Variants in NEB observed in about 807,000 individuals in gnomAD.
NEB encodes the protein nebulin.
A neutral mutation model predicts 952.2 loss-of-function variants in NEB; 512 were observed. The ratio of observed to expected loss-of-function variants is 0.54; its 90% CI spans 0.50 to 0.58. NEB has a LOEUF of 0.58. Among genes scored for constraint, NEB ranks in the 20% least tolerant of loss-of-function variants. The probability of loss-of-function intolerance (pLI) is 0.00; values close to 1 mark genes in which losing one functional copy is unlikely to be tolerated. For synonymous variants in NEB, 2,900 were observed against 3,149.8 expected (o/e 0.92, Z 2.66); for missense variants, 8,428 against 9,231.1 (o/e 0.91, Z 3.56).
In NEB at chr2:151,493,417, G is replaced by A. The variant is rs1307725254; in HGVS notation, c.24701C>T (p.Ala8234Val). The stretch of plus-strand genomic sequence containing the variant: ...CTCTGGAGTAACAGGTGTCGGAGTT[G>A]CTTTTCTCATGTTCTCTTTGTACAA... ...SVLYKENMRK[A>V]TPTPVTPEME... is the part of the protein sequence containing the mutation. Residue 8234 changes from alanine to valine, a missense_variant, in exon 176 of 182, where the codon GCA becomes GTA. Transcript: ENST00000397345. 2 of 1,607,356 alleles carry A rather than the reference G, an allele frequency of 1.2e-6. No individual in the cohort carries two copies. Among genetic ancestry groups the A allele is most frequent in the Non-Finnish European group, 1.7e-6 (2 of 1,177,936 alleles).
In NEB at chr2:151,649,328, C is replaced by G. The variant is rs928619083; in HGVS notation, c.7431+848G>C. 1.4e-4 allele frequency among the ~76,000 whole-genome samples: 21 copies of G among 152,188 alleles called. 1 individual carries two copies. In the South Asian group the frequency reaches 4.4e-3, roughly 32 times the overall value. ...GAACTACAGTTTATCAATGCTCATT[C>G]TAAGCTGATTATGGGCTTATATATT... On this transcript the variant is annotated intron_variant, in intron 54 of 181. Transcript: ENST00000397345.
Position 151,631,144 on chromosome 2 carries a change from T to C in NEB, c.9617A>G (p.Lys3206Arg). ...AAGCTTAAGGCAGCTAGGACTCACC[T>C]TATTCATGTTGAGAGCATTGTTCTT... ...LAKNNALNMN[K>R]RLYTEAWDKD... The change falls in exon 66 of 182, where the codon AAG (lysine) becomes AGG (arginine). Residue 3206 changes from lysine to arginine, a missense_variant and splice_region_variant. Transcript: ENST00000397345. The C allele has an allele frequency of 6.2e-7, 1 of 1,613,904 alleles. No individual in the cohort carries two copies. The highest frequency in any genetic ancestry group is 1.1e-5 in the South Asian group (1 of 91,076).
In NEB at chr2:151,669,020, T is replaced by C. The variant is rs1328177214; in HGVS notation, c.4611+7A>G. The C allele has an allele frequency of 6.4e-7, 1 of 1,567,324 alleles. No homozygotes were observed. The highest frequency in any genetic ancestry group is 8.7e-7 in the Non-Finnish European group (1 of 1,148,694). On this transcript the variant is annotated splice_region_variant and intron_variant, in intron 39 of 181. Transcript: ENST00000397345. The stretch of plus-strand genomic sequence containing the variant: ...TACGCAATATTAGCACTGGGCCAAA[T>C]ACTCACATCACTCATGTTGAGGGCG...
intron 46 of NEB, among the ~76,000 whole-genome samples, chr2:151,660,392 A>G (rs1333352235): frequency 1.3e-5 from 2 of 152,212 alleles, no homozygotes; most frequent in Non-Finnish European, 2.9e-5. Flanking sequence ...CTTTGCACAC[A>G]TATATAAGGA....
At chr2:151,498,773 T>G (rs756846904) in intron 169 of NEB, among the ~76,000 whole-genome samples, 9 of 152,120 alleles carry the variant, frequency 5.9e-5, no homozygotes, top group Non-Finnish European at 7.4e-5. Flanking sequence ...TGGAGACACA[T>G]ACACACAACT....
At chr2:151,729,144 T>C (rs1486475116) in intron 4 of NEB, among the ~76,000 whole-genome samples, 2 of 151,990 alleles carry the variant, frequency 1.3e-5, no homozygotes, top group African/African-American at 2.4e-5. Context: ...AAAATCTGAG[T>C]AGCATTTCAA....
chr2:151,638,217 A>G (rs1358135869), intron 63 of NEB, among the ~76,000 whole-genome samples: 6 of 152,230 alleles, frequency 3.9e-5, no homozygotes, highest in Admixed American at 3.9e-4. Flanking sequence ...TTCTGTGTGC[A>G]CCAGCAGTGA....
chr2:151,520,310 C>T (rs1448046180), intron 153 of NEB, among the ~76,000 whole-genome samples: 1 of 151,902 alleles, frequency 6.6e-6, no homozygotes, highest in Non-Finnish European at 1.5e-5. Flanking sequence ...CCTGAGTAAA[C>T]AAATATGAGA....
intron 46 of NEB, among the ~76,000 whole-genome samples, chr2:151,660,743 G>A (rs966825329): frequency 1.2e-4 from 18 of 152,168 alleles, no homozygotes; most frequent in African/African-American, 4.1e-4. Flanking sequence ...CCAACAAACA[G>A]CTGTGGTTGT....
At position 151,642,558 on chromosome 2, in the gene NEB, T is replaced by C. The variant is rs372804275; in HGVS notation, c.8373+16A>G. 1.3e-5 allele frequency: 21 copies of C among 1,596,274 alleles called. No individual in the cohort carries two copies. Among genetic ancestry groups the C allele is most frequent in the Non-Finnish European group, 1.7e-5 (20 of 1,167,578 alleles). On this transcript the variant is annotated intron_variant, in intron 60 of 181. Transcript: ENST00000397345. ...TGAGCCAAAGCTAAGGCAAATAACTTTCCAAGTATACTTACTTCACTTGCA... is the reference window on the plus strand; with the variant it reads ...TGAGCCAAAGCTAAGGCAAATAACTCTCCAAGTATACTTACTTCACTTGCA...
Position 151,733,243 on chromosome 2 carries a change from A to G in NEB, c.-29-58T>C. ...AGAGTCTATTCCCAGCACAGAAATT[A>G]TCTTATGACATTATAAAAATAGAAT... On this transcript the variant is annotated intron_variant, in intron 2 of 181. Transcript: ENST00000397345. 3.5e-6 allele frequency: 4 copies of G among 1,147,146 alleles called. No individual in the cohort carries two copies. The South Asian group carries it at 5.7e-5, about 16-fold the overall frequency. 71.1% of individuals were successfully genotyped at this position (1,147,146 alleles called of 1,614,324 possible). A position where few individuals can be genotyped will look rare whatever the true frequency, so the allele number is the denominator to read the frequency against.
In NEB at chr2:151,642,919, A is replaced by G. The variant is rs1474295724; in HGVS notation, c.8161-50T>C. 3.6e-6 allele frequency: 5 copies of G among 1,386,166 alleles called. No individual in the cohort carries two copies. In the African/African-American group the frequency reaches 4.4e-5, roughly 12 times the overall value. The allele number at this position is 1,386,166 out of a possible 1,614,324, so 85.9% of individuals were successfully genotyped here. ...TGGTATAGGCCAGTAATAAATAGAC[A>G]CATGCAGACAGTCTGATTTTTAATG... On this transcript the variant is annotated intron_variant, in intron 58 of 181. Transcript: ENST00000397345.
intron 28 of NEB, among the ~76,000 whole-genome samples, chr2:151,683,290 A>G (rs1222783631): frequency 6.6e-6 from 1 of 152,206 alleles, no homozygotes; most frequent in Non-Finnish European, 1.5e-5. Context: ...TTGGCTAACA[A>G]AACACTTTAA....
intron 10 of NEB, among the ~76,000 whole-genome samples, chr2:151,715,518 G>T (rs1015527740): frequency 5.6e-4 from 85 of 152,266 alleles, no homozygotes; most frequent in African/African-American, 2.0e-3. Flanking sequence ...AGGTCATGAG[G>T]GTGGGAACCC....
intron 129 of NEB, among the ~76,000 whole-genome samples, chr2:151,551,492 G>C (rs1456860863): frequency 1.3e-5 from 2 of 152,136 alleles, no homozygotes; most frequent in African/African-American, 4.8e-5. Flanking sequence ...ATGTATATTG[G>C]CTTTCTTCTT....
Position 151,639,998 on chromosome 2 carries a change from C to T in NEB, c.8748G>A (p.Leu2916=). ...TTGCCCTTTTGCATTTTTCCACATC[C>T]AAAGAGCCAATGGACACCCAGCCAA... is the stretch of plus-strand genomic sequence containing the variant. ...RGIGWVSIGS[L]DVEKCKRATE... The change falls in exon 62 of 182, where the codon TTG becomes TTA. Residue 2916 remains leucine, a synonymous_variant. Transcript: ENST00000397345. 6.2e-7 allele frequency: 1 copy of T among 1,613,936 alleles called. No individual in the cohort carries two copies. The highest frequency in any genetic ancestry group is 8.5e-7 in the Non-Finnish European group (1 of 1,179,864).
intron 36 of NEB, among the ~76,000 whole-genome samples, chr2:151,674,047 A>G (rs1453367399): frequency 6.6e-6 from 1 of 152,218 alleles, no homozygotes; most frequent in East Asian, 1.9e-4. Context: ...AATCAAAATT[A>G]TATCCTAAAA....
At position 151,492,433 on chromosome 2, in the gene NEB, G is replaced by C. The variant is rs760442721; in HGVS notation, c.24827C>G (p.Thr8276Ser). The C allele has an allele frequency of 3.7e-6, 6 of 1,612,650 alleles. No individual in the cohort carries two copies. In the African/African-American group the frequency reaches 8.0e-5, roughly 22 times the overall value. Residue 8276 changes from threonine to serine, a missense_variant, in exon 177 of 182, where the codon ACC becomes AGC. Around this residue, in one of 11 missense-constraint regions of NEB, gnomAD observed 3,374 missense variants for 3,651.5 expected, o/e 0.92. Coordinates refer to ENST00000397345, the MANE Select transcript of NEB (RefSeq NM_001164508.2). ...IQGKAAYVLD[T>S]PEMRRVRETQ... ...CTCCCTCACCCGTCTCATCTCGGGG[G>C]TATCCAATACATAGGCAGCTTTGCC...
intron 66 of NEB, 112 bp downstream of exon 66, chr2:151,631,031 A>C: frequency 4.3e-6 from 6 of 1,403,272 alleles, no homozygotes; most frequent in Non-Finnish European, 4.9e-6. Context: ...ATGTAATTTA[A>C]AAGGTAAAAA....
Sources: gnomAD v4.1 joint callset for allele counts (sites outside exome capture counted in the v4.1 genomes callset) on GRCh38, gnomAD v4.1.1 for gene constraint, gnomAD v4.1.1 regional missense constraint, MANE v1.5 for transcripts, NCBI Gene and HGNC (gene_info 2026-07-23, HGNC 2026-07-21) for gene names.